AJAP1: variants seen among roughly 807,000 people sequenced by gnomAD.
The protein encoded by AJAP1 is adherens junctions associated protein 1.
Under a neutral mutation model 35.0 loss-of-function variants are expected in AJAP1, and 5 were observed. The observed-to-expected ratio is 0.14, with a 90% confidence interval of 0.07 to 0.30. AJAP1 has a LOEUF of 0.30. Among genes scored for constraint, AJAP1 ranks in the 10% least tolerant of loss-of-function variants. The pLI is 1.00. For synonymous variants in AJAP1, 284 were observed against 249.3 expected, an observed-to-expected ratio of 1.14 and a Z score of -1.31; for missense variants, 586 against 571.0, an observed-to-expected ratio of 1.03 and a Z score of -0.27.
chr1:4,764,895 A>G (rs1474488705), intron 2 of AJAP1, among the ~76,000 whole-genome samples: 1 of 152,202 alleles, frequency 6.6e-6, no homozygotes, highest in Non-Finnish European at 1.5e-5. Flanking sequence ...GACCTTGTTC[A>G]GACCCAGAGA....
chr1:4,679,072 T>A (rs1639420510), intron 1 of AJAP1, among the ~76,000 whole-genome samples: 1 of 152,198 alleles, frequency 6.6e-6, no homozygotes, highest in African/African-American at 2.4e-5. Context: ...AGGGGCAAGC[T>A]GCTGACCAAG....
chr1:4,781,109 G>T (rs1418560684), intron 5 of AJAP1, among the ~76,000 whole-genome samples: 3 of 152,178 alleles, frequency 2.0e-5, no homozygotes, highest in Non-Finnish European at 2.9e-5. Flanking sequence ...CAGTGCTGAT[G>T]ATCAGGGACG....
chr1:4,722,914 G>A (rs1640554675), intron 2 of AJAP1, among the ~76,000 whole-genome samples: 1 of 152,316 alleles, frequency 6.6e-6, no homozygotes, highest in Admixed American at 6.5e-5. Flanking sequence ...GAGGCTTGGA[G>A]GCCGTCATGA....
chr1:4,728,958 T>G (rs1467608808), intron 2 of AJAP1, among the ~76,000 whole-genome samples: 1 of 152,098 alleles, frequency 6.6e-6, no homozygotes, highest in Non-Finnish European at 1.5e-5. Flanking sequence ...CACACATCCA[T>G]GTTTCCATTA....
intron 2 of AJAP1, among the ~76,000 whole-genome samples, chr1:4,716,003 T>C (rs1332837446): frequency 6.6e-6 from 1 of 152,268 alleles, no homozygotes; most frequent in Non-Finnish European, 1.5e-5. Context: ...AAAGGGATCT[T>C]TGGTATCACA....
intron 1 of AJAP1, among the ~76,000 whole-genome samples, chr1:4,709,761 C>G (rs1640184074): frequency 6.6e-6 from 1 of 152,210 alleles, no homozygotes; most frequent in South Asian, 2.1e-4. Flanking sequence ...CCAGCAGAAA[C>G]ACCGTGCTGA....
At chr1:4,658,494 C>T (rs530870319) in intron 1 of AJAP1, among the ~76,000 whole-genome samples, 1 of 152,328 alleles carries the variant, frequency 6.6e-6, no homozygotes, top group African/African-American at 2.4e-5. Context: ...ACATTGCGCT[C>T]CGGGTGAATC....
At chr1:4,658,059 T>C (rs1433806885) in intron 1 of AJAP1, among the ~76,000 whole-genome samples, 1 of 152,080 alleles carries the variant, frequency 6.6e-6, no homozygotes, top group East Asian at 1.9e-4. Flanking sequence ...GGGCGCGTAC[T>C]CAGCAAGCAG....
chr1:4,679,637 C>T (rs1177336090), intron 1 of AJAP1, among the ~76,000 whole-genome samples: 5 of 152,136 alleles, frequency 3.3e-5, no homozygotes, highest in Non-Finnish European at 5.9e-5. Context: ...TTGCCTCTTC[C>T]AGCTTCTGGT....
intron 2 of AJAP1, among the ~76,000 whole-genome samples, chr1:4,716,460 G>A (rs1640391355): frequency 6.6e-6 from 1 of 152,158 alleles, no homozygotes; most frequent in Non-Finnish European, 1.5e-5. Context: ...ACAGTTTTCA[G>A]TATGTGCCTG....
Position 4,787,874 on chromosome 1 carries a change from T to C in AJAP1, c.*5389T>C, listed in dbSNP as rs1237083995. ...CTCCCCCAGCACTGAGCTCACTTAGTGGCATCCTTCTTAAACAGCATCTGC... is the reference window on the plus strand; with the variant it reads ...CTCCCCCAGCACTGAGCTCACTTAGCGGCATCCTTCTTAAACAGCATCTGC... On this transcript the variant is annotated 3_prime_UTR_variant, in exon 6 of 6. Transcript: ENST00000378191. 2.5e-6 allele frequency: 1 copy of C among 401,208 alleles called. No homozygotes were observed. Among genetic ancestry groups the C allele is most frequent in the Non-Finnish European group, 5.1e-6 (1 of 197,336 alleles). 24.9% of individuals were successfully genotyped at this position (401,208 alleles called of 1,614,324 possible). A position where few individuals can be genotyped will look rare whatever the true frequency, so the allele number is the denominator to read the frequency against.
At position 4,734,918 on chromosome 1, in the gene AJAP1, G is replaced by C. The variant is rs1047008659; in HGVS notation, c.829+22219G>C. On this transcript the variant is annotated intron_variant, in intron 2 of 5. Transcript: ENST00000378191. The surrounding 1 kb of genome is among the most constrained non-coding windows in gnomAD (Gnocchi z 4.3). ...ATCTGGCTTTCTGTCCACCGGCACA[G>C]ATGGCAATGTTGTTTCTCGACTCCT... 1.3e-5 allele frequency among the ~76,000 whole-genome samples: 2 copies of C among 152,220 alleles called. No individual in the cohort carries two copies. Among genetic ancestry groups the C allele is most frequent in the Non-Finnish European group, 2.9e-5 (2 of 68,034 alleles).
At chr1:4,778,905 T>C (rs1452774493) in intron 5 of AJAP1, among the ~76,000 whole-genome samples, 1 of 152,094 alleles carries the variant, frequency 6.6e-6, no homozygotes. Context: ...CATCCGGTGT[T>C]TTGATTCCCT....
intron 5 of AJAP1, among the ~76,000 whole-genome samples, chr1:4,776,440 T>C (rs1220295071): frequency 4.6e-5 from 7 of 152,146 alleles, no homozygotes; most frequent in Non-Finnish European, 8.8e-5. Context: ...TGGGGCTGGA[T>C]CACCCGATGG....
At chr1:4,747,088 C>T (rs1314047437) in intron 2 of AJAP1, among the ~76,000 whole-genome samples, 1 of 152,208 alleles carries the variant, frequency 6.6e-6, no homozygotes, top group African/African-American at 2.4e-5. Flanking sequence ...AACCAGACGT[C>T]AGCCAGAGCC....
At chr1:4,738,011 T>C (rs1270299233) in intron 2 of AJAP1, among the ~76,000 whole-genome samples, 2 of 152,212 alleles carry the variant, frequency 1.3e-5, no homozygotes, top group Admixed American at 1.3e-4. Flanking sequence ...CTGGTTAAAC[T>C]CCAAAGGTGT....
At chr1:4,767,453 TATC>T (rs2100355227) in intron 2 of AJAP1, among the ~76,000 whole-genome samples, 1 of 151,370 alleles carries the variant, frequency 6.6e-6, no homozygotes, top group Admixed American at 6.6e-5. Flanking sequence ...ACCATACCAT[TATC>T]ATCATTGCCA....
At chr1:4,666,471 G>A (rs1329995754) in intron 1 of AJAP1, among the ~76,000 whole-genome samples, 11 of 152,284 alleles carry the variant, frequency 7.2e-5, no homozygotes, top group African/African-American at 2.6e-4. Context: ...CAGACCCTGG[G>A]GAGTGAGGGG....
chr1:4,682,239 C>T (rs957089872), intron 1 of AJAP1, among the ~76,000 whole-genome samples: 16 of 152,128 alleles, frequency 1.1e-4, no homozygotes, highest in African/African-American at 2.4e-4. Flanking sequence ...TGCTGCCCAT[C>T]GATGGTCTTC....
Sources: gnomAD v4.1 joint callset for allele counts (sites outside exome capture counted in the v4.1 genomes callset) on GRCh38, gnomAD v4.1.1 for gene constraint, Gnocchi (gnomAD v3.1) non-coding constraint, MANE v1.5 for transcripts, NCBI Gene and HGNC (gene_info 2026-07-23, HGNC 2026-07-21) for gene names.